TMEM131: variants seen among roughly 807,000 people sequenced by gnomAD.
TMEM131 encodes the protein 2610524E03Rik.
In TMEM131, 66 loss-of-function variants were observed where a neutral mutation model predicts 211.6. That is an observed-to-expected ratio of 0.31 (90% CI 0.26 to 0.38). TMEM131 has a LOEUF of 0.38. TMEM131 is among the 10% of genes least tolerant of loss of function. TMEM131 has a pLI of 1.00. For missense variants in TMEM131, 2,036 were observed against 2,299.3 expected (o/e 0.89, Z 2.34); for synonymous variants, 844 against 841.3 (o/e 1.00, Z -0.06).
At chr2:97,900,020 C>T (rs1024321930) in intron 3 of TMEM131, among the ~76,000 whole-genome samples, 6 of 151,902 alleles carry the variant, frequency 3.9e-5, no homozygotes, top group African/African-American at 1.5e-4. Context: ...TTTAATACAC[C>T]AACTTACTTT....
At chr2:97,908,218 C>T (rs1355836074) in intron 3 of TMEM131, among the ~76,000 whole-genome samples, 2 of 152,142 alleles carry the variant, frequency 1.3e-5, no homozygotes, top group African/African-American at 4.8e-5. Context: ...CCCCTGTTAT[C>T]ACAGGGAAGC....
At chr2:97,908,142 C>T (rs1255097112) in intron 3 of TMEM131, among the ~76,000 whole-genome samples, 2 of 152,180 alleles carry the variant, frequency 1.3e-5, no homozygotes, top group Non-Finnish European at 2.9e-5. Context: ...TGTGAGGAGG[C>T]AGGAAAAGTG....
At chr2:97,788,485 C>T (rs1484130184) in intron 31 of TMEM131, among the ~76,000 whole-genome samples, 1 of 152,170 alleles carries the variant, frequency 6.6e-6, no homozygotes, top group Non-Finnish European at 1.5e-5. Flanking sequence ...AAGTGAAAAC[C>T]CGTATCCTGC....
At chr2:97,912,461 T>C (rs1444081752) in intron 2 of TMEM131, among the ~76,000 whole-genome samples, 1 of 152,180 alleles carries the variant, frequency 6.6e-6, no homozygotes, top group Non-Finnish European at 1.5e-5. Flanking sequence ...CTCAGAGCCC[T>C]AGAAAATGCC....
intron 11 of TMEM131, among the ~76,000 whole-genome samples, chr2:97,820,064 C>T (rs538108451): frequency 6.6e-6 from 1 of 152,320 alleles, no homozygotes; most frequent in South Asian, 2.1e-4. Context: ...TGGGTTAGTC[C>T]TGGGCTGTCA....
rs1374138989 is a variant in TMEM131, at chr2:97,758,984, T to C, written c.5276A>G (p.Asn1759Ser). 1 of 1,614,010 alleles carries C rather than the reference T, an allele frequency of 6.2e-7. No homozygotes were observed. Among genetic ancestry groups the C allele is most frequent in the South Asian group, 1.1e-5 (1 of 91,084 alleles). ...QASQRSWNEF[N>S]SGPSYLWESP... Reference sequence around the variant, plus strand: ...CTCCCAAAGGTATGAAGGGCCACTATTAAACTCGTTCCAGCTCCTCTGTGA... The same window carrying C: ...CTCCCAAAGGTATGAAGGGCCACTACTAAACTCGTTCCAGCTCCTCTGTGA... Residue 1759 changes from asparagine (N) to serine (S), a missense_variant, in exon 40 of 41, where the codon AAT becomes AGT. By Grantham distance (46) the Asn-to-Ser change is conservative. Transcript: ENST00000186436.
intron 25 of TMEM131, among the ~76,000 whole-genome samples, chr2:97,798,718 G>GA (rs1329504576): frequency 6.6e-6 from 1 of 152,166 alleles, no homozygotes; most frequent in African/African-American, 2.4e-5. Context: ...GCACTTGATT[G>GA]AAAAAAATGT....
At chr2:97,905,156 T>C (rs1172155715) in intron 3 of TMEM131, among the ~76,000 whole-genome samples, 1 of 152,218 alleles carries the variant, frequency 6.6e-6, no homozygotes, top group African/African-American at 2.4e-5. Flanking sequence ...GCCAGTCTAC[T>C]GCAAATTTTC....
chr2:97,860,182 A>C (rs568599232), intron 4 of TMEM131, among the ~76,000 whole-genome samples: 6 of 152,242 alleles, frequency 3.9e-5, no homozygotes, highest in African/African-American at 1.4e-4. Flanking sequence ...GCTTTTTCTA[A>C]CTACCTATAC....
chr2:97,938,385 T>G (rs1228868318), intron 1 of TMEM131, among the ~76,000 whole-genome samples: 1 of 152,112 alleles, frequency 6.6e-6, no homozygotes, highest in African/African-American at 2.4e-5. Context: ...AATCCTAGTC[T>G]CTGATAAAAC....
chr2:97,891,742 C>A (rs1401802999), intron 3 of TMEM131, among the ~76,000 whole-genome samples: 1 of 152,070 alleles, frequency 6.6e-6, no homozygotes, highest in African/African-American at 2.4e-5. Flanking sequence ...TACTCTTTGG[C>A]CCAGCATTTT....
At chr2:97,800,699 A>G (rs967962306) in intron 25 of TMEM131, among the ~76,000 whole-genome samples, 4 of 152,184 alleles carry the variant, frequency 2.6e-5, no homozygotes, top group African/African-American at 7.2e-5. Context: ...AGAGGTTGCA[A>G]TGAGCTGAGA....
At chr2:97,885,108 A>G (rs1675090146) in intron 4 of TMEM131, among the ~76,000 whole-genome samples, 1 of 152,168 alleles carries the variant, frequency 6.6e-6, no homozygotes, top group African/African-American at 2.4e-5. Context: ...AATGGTGGTT[A>G]TGTTTTCATT....
In TMEM131 at chr2:97,995,511, G is replaced by T. The variant is rs993335569; in HGVS notation, c.152C>A (p.Thr51Asn). Residue 51 changes from threonine (T) to asparagine (N), a missense_variant, in exon 1 of 41, where the codon ACC (threonine) becomes AAC (asparagine). Physicochemically the swap from Thr to Asn is moderately conservative, Grantham distance 65. This residue lies in a region of TMEM131 where 136 missense variants were observed against 115.4 expected (regional missense o/e 1.18). Transcript: ENST00000186436. ...GGCCCGCGCCGCAGCCACTACGAGG[G>T]TCATCACCAGGTGCAGCGCGCCTAG... ...GLLGALHLVM[T>N]LVVAAARAEK... The T allele has an allele frequency of 6.4e-6, 9 of 1,411,034 alleles. No homozygotes were observed. The highest frequency in any genetic ancestry group is 7.4e-6 in the Non-Finnish European group (8 of 1,076,740). 87.4% of individuals were successfully genotyped at this position (1,411,034 alleles called of 1,614,324 possible).
chr2:97,856,211 A>G (rs914237720), intron 5 of TMEM131, among the ~76,000 whole-genome samples: 1 of 152,150 alleles, frequency 6.6e-6, no homozygotes, highest in African/African-American at 2.4e-5. Context: ...TTTATGGCCT[A>G]TATATAATAT....
intron 1 of TMEM131, among the ~76,000 whole-genome samples, chr2:97,931,283 C>CT (rs1559455839): frequency 1.3e-5 from 2 of 151,902 alleles, no homozygotes; most frequent in East Asian, 3.9e-4. Context: ...ACCCACATCT[C>CT]TAAGCTGTCT....
chr2:97,852,052 A>G (rs1191844439), intron 5 of TMEM131, among the ~76,000 whole-genome samples: 1 of 152,262 alleles, frequency 6.6e-6, no homozygotes, highest in East Asian at 1.9e-4. Context: ...GAAGTTAAAA[A>G]TGCTATTCCA....
chr2:97,920,970 A>AGTGT (rs57343769), intron 2 of TMEM131, among the ~76,000 whole-genome samples: 33,478 of 146,546 alleles, frequency 0.23, 4,115 homozygotes, highest in Middle Eastern at 0.33. Flanking sequence ...AAAAATCCCG[A>AGTGT]GTGTGTGTGT....
At chr2:97,989,001 A>T (rs949084846) in intron 1 of TMEM131, among the ~76,000 whole-genome samples, 5 of 152,238 alleles carry the variant, frequency 3.3e-5, no homozygotes, top group Admixed American at 2.6e-4. Flanking sequence ...GGTAGGAGCA[A>T]GCCTAGTGTC....
Sources: gnomAD v4.1 joint callset for allele counts (sites outside exome capture counted in the v4.1 genomes callset) on GRCh38, gnomAD v4.1.1 for gene constraint, gnomAD v4.1.1 regional missense constraint, MANE v1.5 for transcripts, NCBI Gene and HGNC (gene_info 2026-07-23, HGNC 2026-07-21) for gene names.